Variants in RPS6KC1 observed in about 807,000 individuals in gnomAD.
RPS6KC1 encodes inactive ribosomal protein S6 kinase delta-1.
Under a neutral mutation model 103.8 loss-of-function variants are expected in RPS6KC1, and 54 were observed. That is an observed-to-expected ratio of 0.52 (90% confidence interval 0.42 to 0.65). The LOEUF (loss-of-function observed/expected upper bound fraction) is 0.65, where lower values mean the gene tolerates loss of function less well. Among genes scored for constraint, RPS6KC1 ranks in the 30% least tolerant of loss-of-function variants. RPS6KC1 has a pLI of 0.00. For missense variants in RPS6KC1, 1,151 were observed against 1,253.8 expected, an observed-to-expected ratio of 0.92 and a Z score of 1.24; for synonymous variants, 439 against 438.7, an observed-to-expected ratio of 1.00 and a Z score of -0.01.
intron 8 of RPS6KC1, among the ~76,000 whole-genome samples, chr1:213,188,556 C>T (rs1028223578): frequency 2.0e-5 from 3 of 151,846 alleles, no homozygotes; most frequent in East Asian, 1.9e-4. Context: ...GAGAGGGGGG[C>T]GTGAAAACAG....
the RPS6KC1 span, among the ~76,000 whole-genome samples, chr1:213,745,679 G>A: frequency 6.6e-6 from 1 of 152,252 alleles, no homozygotes; most frequent in Admixed American, 6.5e-5. Context: ...GAAGGACAAA[G>A]AGGCCAGTCC....
At chr1:213,205,335 T>G (rs1241779964) in intron 8 of RPS6KC1, 3 of 984,866 alleles carry the variant, frequency 3.0e-6, no homozygotes, top group Non-Finnish European at 3.6e-6. Flanking sequence ...AGATAAGTCA[T>G]GCTTTTAAGA....
chr1:213,073,558 CT>C (rs2079056203), intron 2 of RPS6KC1, among the ~76,000 whole-genome samples: 1 of 152,148 alleles, frequency 6.6e-6, no homozygotes, highest in African/African-American at 2.4e-5. Flanking sequence ...GGATATTTCA[CT>C]GGTGAAATTT....
At chr1:213,681,739 A>G in the RPS6KC1 span, among the ~76,000 whole-genome samples, 1 of 152,306 alleles carries the variant, frequency 6.6e-6, no homozygotes, top group Non-Finnish European at 1.5e-5. Flanking sequence ...TTGAGGTTAC[A>G]GTGAGCTTTG....
chr1:213,678,050 G>A, the RPS6KC1 span, among the ~76,000 whole-genome samples: 23 of 151,904 alleles, frequency 1.5e-4, 1 homozygote, highest in South Asian at 4.2e-4. Context: ...GATCCCTAAC[G>A]AGGAATGTTT....
intron 14 of RPS6KC1, among the ~76,000 whole-genome samples, chr1:213,272,258 C>T (rs949025154): frequency 6.6e-6 from 1 of 152,104 alleles, no homozygotes; most frequent in Non-Finnish European, 1.5e-5. Context: ...TATTATATTA[C>T]ATGAGGATGA....
chr1:213,121,450 T>G (rs2084375140), intron 5 of RPS6KC1, among the ~76,000 whole-genome samples: 1 of 152,208 alleles, frequency 6.6e-6, no homozygotes, highest in Admixed American at 6.5e-5. Context: ...TTCAAAGAAG[T>G]TAAACTATAT....
chr1:213,634,708 A>G, the RPS6KC1 span, among the ~76,000 whole-genome samples: 1 of 152,168 alleles, frequency 6.6e-6, no homozygotes, highest in Non-Finnish European at 1.5e-5. Context: ...AAGCTAGAAG[A>G]AGGCAAGAAA....
chr1:213,323,503 T>G, the RPS6KC1 span, among the ~76,000 whole-genome samples: 1 of 152,062 alleles, frequency 6.6e-6, no homozygotes, highest in Non-Finnish European at 1.5e-5. Context: ...GGTAAAGGCA[T>G]CCCCCTTTCC....
chr1:213,162,358 G>A (rs2090558858), intron 6 of RPS6KC1, among the ~76,000 whole-genome samples: 1 of 152,038 alleles, frequency 6.6e-6, no homozygotes, highest in Non-Finnish European at 1.5e-5. Flanking sequence ...ACAGCTCATT[G>A]CAGCCTTGAA....
chr1:213,160,981 A>G (rs1426330420), intron 6 of RPS6KC1, among the ~76,000 whole-genome samples: 1 of 152,126 alleles, frequency 6.6e-6, no homozygotes, highest in Non-Finnish European at 1.5e-5. Context: ...CATGTACCCT[A>G]GAACTTAAAG....
At chr1:213,815,582 G>C in the RPS6KC1 span, among the ~76,000 whole-genome samples, 16 of 152,288 alleles carry the variant, frequency 1.1e-4, no homozygotes, top group East Asian at 3.1e-3. Flanking sequence ...AACATAGTGG[G>C]TTTGGTTCCA....
At chr1:213,856,949 G>C in the RPS6KC1 span, among the ~76,000 whole-genome samples, 1 of 152,196 alleles carries the variant, frequency 6.6e-6, no homozygotes, top group African/African-American at 2.4e-5. Flanking sequence ...AAGTTATTGT[G>C]AGAATAAAAT....
intron 8 of RPS6KC1, among the ~76,000 whole-genome samples, chr1:213,199,855 G>A (rs1055542322): frequency 1.3e-5 from 2 of 152,084 alleles, no homozygotes; most frequent in East Asian, 1.9e-4. Context: ...GTCAAGCCAC[G>A]AGCCAAATCC....
the RPS6KC1 span, among the ~76,000 whole-genome samples, chr1:213,395,290 T>C: frequency 9.2e-5 from 14 of 152,110 alleles, no homozygotes; most frequent in Non-Finnish European, 1.9e-4. Context: ...AAAGATTAGA[T>C]GTGATCATGT....
the RPS6KC1 span, among the ~76,000 whole-genome samples, chr1:213,562,147 T>C: frequency 1.3e-5 from 2 of 152,204 alleles, no homozygotes; most frequent in Non-Finnish European, 2.9e-5. Context: ...GGATGTGTTA[T>C]GCAGTTTACT....
the RPS6KC1 span, among the ~76,000 whole-genome samples, chr1:213,831,675 T>C: frequency 2.0e-5 from 3 of 152,220 alleles, no homozygotes; most frequent in African/African-American, 7.2e-5. Flanking sequence ...TAATAATTAA[T>C]GTAACAATTT....
chr1:213,573,207 CT>C, the RPS6KC1 span, among the ~76,000 whole-genome samples: 1 of 152,186 alleles, frequency 6.6e-6, no homozygotes, highest in Non-Finnish European at 1.5e-5. Context: ...CTTTCCCCTG[CT>C]AGTTAAAACA....
the RPS6KC1 span, among the ~76,000 whole-genome samples, chr1:213,687,772 C>T: frequency 7.2e-5 from 11 of 152,146 alleles, no homozygotes; most frequent in Non-Finnish European, 1.6e-4. Context: ...TATCAATAAT[C>T]ATGGGGACTG....
Sources: gnomAD v4.1 joint callset for allele counts (sites outside exome capture counted in the v4.1 genomes callset) on GRCh38, gnomAD v4.1.1 for gene constraint, MANE v1.5 for transcripts, NCBI Gene and HGNC (gene_info 2026-07-23, HGNC 2026-07-21) for gene names.